SCN11A: variants seen among roughly 807,000 people sequenced by gnomAD.
SCN11A encodes sodium channel protein type 11 subunit alpha.
A neutral mutation model predicts 162.2 loss-of-function variants in SCN11A; 122 were observed. The ratio of observed to expected loss-of-function variants is 0.75; its 90% CI spans 0.65 to 0.87. The LOEUF (loss-of-function observed/expected upper bound fraction) is 0.87. SCN11A is among the 40% of genes least tolerant of loss of function. SCN11A has a pLI of 0.00. For missense variants in SCN11A, 2,015 were observed against 2,181.6 expected, an observed-to-expected ratio of 0.92 and a Z score of 1.52; for synonymous variants, 758 against 751.5, an observed-to-expected ratio of 1.01 and a Z score of -0.14.
At chr3:38,956,221 G>C (rs1293371001) in intron 3 of SCN11A, among the ~76,000 whole-genome samples, 1 of 151,950 alleles carries the variant, frequency 6.6e-6, no homozygotes, top group Admixed American at 6.6e-5. Flanking sequence ...CTCCAGCCTG[G>C]GTGACAGAGG....
chr3:38,975,495 C>T (rs1353388690), intron 2 of SCN11A, among the ~76,000 whole-genome samples: 3 of 152,290 alleles, frequency 2.0e-5, no homozygotes, highest in African/African-American at 4.8e-5. Flanking sequence ...CTCAGATCCT[C>T]GTACTGGTCT....
intron 4 of SCN11A, among the ~76,000 whole-genome samples, chr3:38,953,176 A>T (rs2066642283): frequency 6.6e-6 from 1 of 152,136 alleles, no homozygotes; most frequent in South Asian, 2.1e-4. Context: ...CAAATACCAC[A>T]TGTTCTCACT....
At chr3:38,925,948 A>G (rs1016393862) in intron 8 of SCN11A, among the ~76,000 whole-genome samples, 1 of 152,204 alleles carries the variant, frequency 6.6e-6, no homozygotes, top group Non-Finnish European at 1.5e-5. Context: ...CCACCTTTCA[A>G]TAACGAAGAG....
At chr3:38,863,155 C>T in intron 28 of SCN11A, 40 bp downstream of exon 28, 1 of 1,170,372 alleles carries the variant, frequency 8.5e-7, no homozygotes. Context: ...CACAGTAACT[C>T]AACTGTTCTA....
At chr3:39,041,894 TATC>T (rs1388973462) in intron 1 of SCN11A, among the ~76,000 whole-genome samples, 1 of 151,682 alleles carries the variant, frequency 6.6e-6, no homozygotes. Flanking sequence ...ACAGAAAAAA[TATC>T]ATATTTCAAT....
chr3:38,936,282 T>C (rs1199506570), intron 7 of SCN11A, among the ~76,000 whole-genome samples: 1 of 151,858 alleles, frequency 6.6e-6, no homozygotes, highest in Non-Finnish European at 1.5e-5. Context: ...GGGCAAAAAC[T>C]GGAAGCATTC....
chr3:38,990,255 G>GA (rs1323314080), intron 2 of SCN11A, among the ~76,000 whole-genome samples: 1 of 152,178 alleles, frequency 6.6e-6, no homozygotes, highest in Non-Finnish European at 1.5e-5. Context: ...CTGGAGGGGA[G>GA]AAACTGCTGG....
At chr3:38,963,798 A>G (rs867897984) in intron 2 of SCN11A, among the ~76,000 whole-genome samples, 1 of 152,136 alleles carries the variant, frequency 6.6e-6, no homozygotes, top group Non-Finnish European at 1.5e-5. Context: ...TGATATGTGT[A>G]CCAAAATCTC....
intron 2 of SCN11A, among the ~76,000 whole-genome samples, chr3:38,985,760 T>G (rs1228631078): frequency 6.6e-6 from 1 of 150,942 alleles, no homozygotes; most frequent in African/African-American, 2.5e-5. Context: ...TCTACTGCTG[T>G]GTAAGAAATG....
intron 18 of SCN11A, among the ~76,000 whole-genome samples, chr3:38,895,409 T>C (rs1462587484): frequency 6.6e-6 from 1 of 152,228 alleles, no homozygotes; most frequent in African/African-American, 2.4e-5. Context: ...TGATGTACTT[T>C]ACAGTTTCTT....
At chr3:38,963,352 GATATATATATATATATATATAT>G (rs377651422) in intron 2 of SCN11A, among the ~76,000 whole-genome samples, 2 of 38,286 alleles carry the variant, frequency 5.2e-5, no homozygotes, top group African/African-American at 1.4e-4. Context: ...CTATTTGATG[GATATATATATATATATATATAT>G]ATATATATAT....
chr3:38,882,532 A>G (rs1230291024), intron 22 of SCN11A, among the ~76,000 whole-genome samples: 1 of 152,168 alleles, frequency 6.6e-6, no homozygotes, highest in East Asian at 1.9e-4. Context: ...AGAAAATAGA[A>G]AAGGAGAGGG....
chr3:38,936,543 G>A (rs1375228176), intron 7 of SCN11A, among the ~76,000 whole-genome samples: 2 of 151,376 alleles, frequency 1.3e-5, no homozygotes, highest in Non-Finnish European at 2.9e-5. Flanking sequence ...CAAAATCAAT[G>A]TACAAAAATC....
Position 38,867,444 on chromosome 3 carries a change from TG to T in SCN11A, c.3827del (p.Pro1276GlnfsTer14). The T allele has an allele frequency of 6.2e-7, 1 of 1,603,670 alleles. No homozygotes were observed. Among genetic ancestry groups the T allele is most frequent in the Non-Finnish European group, 8.5e-7 (1 of 1,176,984 alleles). On this transcript the variant is annotated frameshift_variant, in exon 27 of 30. Transcript: ENST00000302328. LOFTEE classifies it high-confidence loss of function. ...AVDSTEKEQQ[P>X]EFESNSLGYI... is the part of the protein sequence containing the mutation. ...AACCGAGTGAATTGCTCTCAAACTC[TG>T]GCTGTTGTTCTTTCTGTTAGAAATT...
chr3:38,903,861 T>A lies in SCN11A; in HGVS notation c.1842+4A>T. 1 of 1,564,142 alleles carries A rather than the reference T, an allele frequency of 6.4e-7. No individual in the cohort carries two copies. Among genetic ancestry groups the A allele is most frequent in the Non-Finnish European group, 8.7e-7 (1 of 1,148,246 alleles). On this transcript the variant is annotated splice_donor_region_variant and intron_variant, in intron 16 of 29. Transcript: ENST00000302328. ...TTTTTTATTTTTAAAAAGTGTAATGTTACCAAATTCCCTATATTCAACATC... is the reference window on the plus strand; with the variant it reads ...TTTTTTATTTTTAAAAAGTGTAATGATACCAAATTCCCTATATTCAACATC...
At chr3:38,913,732 GCAC>G (rs201166415) in intron 11 of SCN11A, among the ~76,000 whole-genome samples, 2,106 of 152,252 alleles carry the variant, frequency 0.014, 45 homozygotes, top group African/African-American at 0.047. Context: ...AGTTATTCCA[GCAC>G]CATTTATTGA....
chr3:38,997,772 CA>C (rs1248113983), intron 2 of SCN11A, among the ~76,000 whole-genome samples: 2 of 152,156 alleles, frequency 1.3e-5, no homozygotes, highest in African/African-American at 4.8e-5. Flanking sequence ...TTTCCATCTC[CA>C]AAGATTCAGA....
intron 5 of SCN11A, among the ~76,000 whole-genome samples, chr3:38,948,086 G>A (rs2066545264): frequency 6.6e-6 from 1 of 152,198 alleles, no homozygotes; most frequent in African/African-American, 2.4e-5. Context: ...TGGCTGCAGG[G>A]AAAACTGTGC....
chr3:38,853,230 G>A (rs1039430847), intron 28 of SCN11A, among the ~76,000 whole-genome samples: 1 of 152,116 alleles, frequency 6.6e-6, no homozygotes, highest in African/African-American at 2.4e-5. Context: ...GACTCTTTTA[G>A]TTAATGCCAA....
Sources: gnomAD v4.1 joint callset for allele counts (sites outside exome capture counted in the v4.1 genomes callset) on GRCh38, gnomAD v4.1.1 for gene constraint, MANE v1.5 for transcripts, NCBI Gene and HGNC (gene_info 2026-07-23, HGNC 2026-07-21) for gene names.